CFDP1: variants seen among roughly 807,000 people sequenced by gnomAD.
CFDP1 encodes heterochromatin-stabilizing protein CFDP1.
Under a neutral mutation model 40.1 loss-of-function variants are expected in CFDP1, and 31 were observed. The ratio of observed to expected loss-of-function variants is 0.77; its 90% CI spans 0.58 to 1.04. The LOEUF is 1.04. Among genes scored for constraint, CFDP1 ranks in the 50% least tolerant of loss-of-function variants. The probability of loss-of-function intolerance (pLI) is 0.00; values close to 1 mark genes in which losing one functional copy is unlikely to be tolerated. For missense variants in CFDP1, 423 were observed against 343.4 expected (o/e 1.23, Z -1.83); for synonymous variants, 167 against 120.0 (o/e 1.39, Z -2.56).
chr16:75,375,527 C>T (rs2078785460), intron 5 of CFDP1, among the ~76,000 whole-genome samples: 1 of 152,148 alleles, frequency 6.6e-6, no homozygotes. Context: ...CGCGGTGGCT[C>T]ATGCCTGTAA....
At chr16:75,326,219 C>T (rs76551988) in intron 5 of CFDP1, among the ~76,000 whole-genome samples, 6 of 152,296 alleles carry the variant, frequency 3.9e-5, no homozygotes, top group African/African-American at 1.4e-4. Flanking sequence ...CCCCTTGACA[C>T]TGGCGACACT....
At chr16:75,320,351 G>T (rs1022119532) in intron 5 of CFDP1, among the ~76,000 whole-genome samples, 1 of 152,040 alleles carries the variant, frequency 6.6e-6, no homozygotes. Flanking sequence ...GTTTGAAAAA[G>T]ATGCTTTAGC....
At chr16:75,364,782 T>G (rs1368930685) in intron 5 of CFDP1, among the ~76,000 whole-genome samples, 1 of 152,230 alleles carries the variant, frequency 6.6e-6, no homozygotes, top group East Asian at 1.9e-4. Context: ...AATTTCTCAG[T>G]TTTAATTTCT....
chr16:75,410,478 G>A (rs1185999905), intron 4 of CFDP1, among the ~76,000 whole-genome samples: 1 of 152,096 alleles, frequency 6.6e-6, no homozygotes, highest in East Asian at 1.9e-4. Flanking sequence ...ATTAAGCTAA[G>A]AAAATAATAT....
chr16:75,313,220 CCCTT>C (rs1395188049), intron 5 of CFDP1, among the ~76,000 whole-genome samples: 3 of 152,226 alleles, frequency 2.0e-5, no homozygotes, highest in African/African-American at 7.2e-5. Context: ...CTCTTCCACA[CCCTT>C]CCTTGGTGCA....
chr16:75,315,846 G>A (rs910529713), intron 5 of CFDP1, among the ~76,000 whole-genome samples: 6 of 152,074 alleles, frequency 3.9e-5, no homozygotes, highest in African/African-American at 1.4e-4. Context: ...TAAAGTCCAG[G>A]TTCAAATTTC....
intron 5 of CFDP1, among the ~76,000 whole-genome samples, chr16:75,364,148 CAAACAAA>C (rs1240702593): frequency 2.2e-4 from 24 of 107,270 alleles, no homozygotes; most frequent in African/African-American, 5.8e-4. Flanking sequence ...AACAAACAAA[CAAACAAA>C]AAAAACTATT....
intron 4 of CFDP1, among the ~76,000 whole-genome samples, 189 bp from the exon 5 acceptor site, chr16:75,395,398 C>T (rs570137686): frequency 1.1e-4 from 17 of 152,312 alleles, no homozygotes; most frequent in African/African-American, 4.8e-5. Flanking sequence ...TGGTGACTCA[C>T]GCCTGTACTC....
At position 75,412,616 on chromosome 16, in the gene CFDP1, T is replaced by C. The variant is rs768962167; in HGVS notation, c.321A>G (p.Lys107=). Residue 107 remains lysine, a synonymous_variant, in exon 3 of 7, where the codon AAA becomes AAG. Transcript: ENST00000283882. ...EKGIGSEDAR[K]KKEDELWASF... ...TGGCCCAGAGTTCGTCCTCCTTCTT[T>C]TTCCTGGCATCCTCTGATCCAATGC... 8 of 1,614,156 alleles carry C rather than the reference T, an allele frequency of 5.0e-6. No individual in the cohort carries two copies. The highest frequency in any genetic ancestry group is 2.2e-5 in the South Asian group (2 of 91,082).
At chr16:75,340,192 G>A (rs1032097122) in intron 5 of CFDP1, among the ~76,000 whole-genome samples, 1 of 152,126 alleles carries the variant, frequency 6.6e-6, no homozygotes, top group East Asian at 1.9e-4. Context: ...TTCCAGGACC[G>A]CAATGCTCCT....
chr16:75,400,098 T>C (rs1390846208), intron 4 of CFDP1, among the ~76,000 whole-genome samples: 2 of 85,902 alleles, frequency 2.3e-5, no homozygotes, highest in Non-Finnish European at 4.2e-5. Flanking sequence ...CAAAACTCCA[T>C]CTCAAAAAAA....
At chr16:75,363,999 G>C (rs1310104961) in intron 5 of CFDP1, among the ~76,000 whole-genome samples, 1 of 145,274 alleles carries the variant, frequency 6.9e-6, no homozygotes, top group African/African-American at 2.6e-5. Context: ...ATTGAGGTAA[G>C]TGCTACAGAA....
intron 5 of CFDP1, among the ~76,000 whole-genome samples, chr16:75,361,856 T>C (rs1420435490): frequency 6.6e-6 from 1 of 152,196 alleles, no homozygotes; most frequent in Non-Finnish European, 1.5e-5. Flanking sequence ...CCAGGTTTCC[T>C]TGTATTTGTT....
intron 1 of CFDP1, among the ~76,000 whole-genome samples, chr16:75,420,788 T>A (rs1038655347): frequency 5.9e-5 from 9 of 152,202 alleles, no homozygotes; most frequent in African/African-American, 2.2e-4. Context: ...TAGAAAAAAA[T>A]CAGAGTGAGT....
chr16:75,349,704 C>T (rs9930685), intron 5 of CFDP1, among the ~76,000 whole-genome samples: 22 of 50,824 alleles, frequency 4.3e-4, no homozygotes, highest in South Asian at 7.8e-4. Flanking sequence ...TATATACATA[C>T]ATATATACGG....
intron 5 of CFDP1, among the ~76,000 whole-genome samples, chr16:75,366,976 C>T (rs1171710604): frequency 6.6e-6 from 1 of 151,784 alleles, no homozygotes; most frequent in African/African-American, 2.4e-5. Flanking sequence ...CCAGCCTGGC[C>T]AACATGGCAA....
Position 75,380,586 on chromosome 16 carries a change from G to C in CFDP1, c.650+14504C>G, listed in dbSNP as rs73619652. 1.4e-3 allele frequency among the ~76,000 whole-genome samples: 209 copies of C among 152,204 alleles called. 1 individual carries two copies. Among genetic ancestry groups the C allele is most frequent in the East Asian group, 0.01 (54 of 5,182 alleles). On this transcript the variant is annotated intron_variant, in intron 5 of 6. Coordinates refer to ENST00000283882, the MANE Select transcript of CFDP1 (RefSeq NM_006324.3). ...AAAAAAAAATCACATAACAGCCCAA[G>C]GAACAGAGAAGAAAGTGTATCTAAG... is the stretch of plus-strand genomic sequence containing the variant.
chr16:75,407,646 C>A (rs1323730205), intron 4 of CFDP1, among the ~76,000 whole-genome samples: 4 of 126,118 alleles, frequency 3.2e-5, no homozygotes, highest in African/African-American at 1.2e-4. Context: ...CAGAGCAAGA[C>A]CCTGTCTCAA....
At chr16:75,310,692 T>G (rs906308423) in intron 5 of CFDP1, among the ~76,000 whole-genome samples, 62 of 152,330 alleles carry the variant, frequency 4.1e-4, no homozygotes, top group African/African-American at 1.5e-3. Context: ...CACTGTTCTA[T>G]CTGACCACCC....
Sources: gnomAD v4.1 joint callset for allele counts (sites outside exome capture counted in the v4.1 genomes callset) on GRCh38, gnomAD v4.1.1 for gene constraint, MANE v1.5 for transcripts, NCBI Gene and HGNC (gene_info 2026-07-23, HGNC 2026-07-21) for gene names.